GEMIN2: variants seen among roughly 807,000 people sequenced by gnomAD.
GEMIN2 encodes gem-associated protein 2.
GEMIN2 carries 37 observed loss-of-function variants against 45.8 expected under a neutral mutation model. That is an observed-to-expected ratio of 0.81 (90% CI 0.62 to 1.06). GEMIN2 has a LOEUF of 1.06. GEMIN2 is among the 50% of genes least tolerant of loss of function. The pLI is 0.00. For synonymous variants in GEMIN2, 101 were observed against 111.5 expected (o/e 0.91, Z 0.60); for missense variants, 335 against 321.8 (o/e 1.04, Z -0.31).
rs138274454 is a variant in GEMIN2, at chr14:39,129,397, G to A, written c.600+1049G>A. Reference sequence around the variant, plus strand: ...ATGACTGTACTTGATGTGATGCTACGGTATTTATTTATTTTTTATTTATTT... The same window carrying A: ...ATGACTGTACTTGATGTGATGCTACAGTATTTATTTATTTTTTATTTATTT... On this transcript the variant is annotated intron_variant, in intron 7 of 9. Coordinates refer to ENST00000308317, the MANE Select transcript of GEMIN2 (RefSeq NM_003616.3). Among the ~76,000 whole-genome samples, 940 of 151,940 alleles carry A rather than the reference G, an allele frequency of 6.2e-3. 9 individuals carry two copies. The highest frequency in any genetic ancestry group is 6.2e-3 in the Non-Finnish European group (421 of 67,936).
At chr14:39,125,354 A>G (rs890337391) in intron 6 of GEMIN2, among the ~76,000 whole-genome samples, 4 of 152,158 alleles carry the variant, frequency 2.6e-5, no homozygotes, top group African/African-American at 9.7e-5. Context: ...GTGCTAGAGT[A>G]TTCATTTCTG....
chr14:39,115,374 T>G (rs2052489403), intron 2 of GEMIN2, among the ~76,000 whole-genome samples: 1 of 152,104 alleles, frequency 6.6e-6, no homozygotes, highest in Non-Finnish European at 1.5e-5. Flanking sequence ...ATTGGATTGG[T>G]GTTTAATCTT....
At chr14:39,122,372 C>G in intron 4 of GEMIN2, 58 bp from the exon 5 acceptor site, 1 of 820,890 alleles carries the variant, frequency 1.2e-6, no homozygotes, top group Non-Finnish European at 2.0e-6. Context: ...TTTTTTTTTA[C>G]TGTTCAGTGT....
chr14:39,117,022 C>T (rs924303361), intron 2 of GEMIN2, among the ~76,000 whole-genome samples: 1 of 152,188 alleles, frequency 6.6e-6, no homozygotes, highest in Non-Finnish European at 1.5e-5. Flanking sequence ...CCTGTAATCC[C>T]AGCACTTTGG....
intron 5 of GEMIN2, among the ~76,000 whole-genome samples, chr14:39,123,200 C>G (rs150107857): frequency 1.2e-3 from 185 of 152,278 alleles, no homozygotes; most frequent in African/African-American, 4.3e-3. Flanking sequence ...CCAGTGCATG[C>G]CTCTGCATTA....
intron 4 of GEMIN2, among the ~76,000 whole-genome samples, chr14:39,118,873 C>G (rs1043694795): frequency 4.0e-5 from 6 of 150,596 alleles, no homozygotes; most frequent in African/African-American, 1.5e-4. Flanking sequence ...CTCCTGGGCT[C>G]AAGTGATCCT....
intron 2 of GEMIN2, among the ~76,000 whole-genome samples, chr14:39,115,226 G>A (rs1220592073): frequency 1.3e-5 from 2 of 152,144 alleles, no homozygotes; most frequent in Non-Finnish European, 2.9e-5. Flanking sequence ...TGTTTATAGA[G>A]AGGGAGTCTC....
At chr14:39,118,668 G>T in intron 4 of GEMIN2, 69 bp downstream of exon 4, 1 of 696,824 alleles carries the variant, frequency 1.4e-6, no homozygotes, top group Non-Finnish European at 2.6e-6. Context: ...TTTACTTCCA[G>T]TCGTTAAAGA....
At position 39,128,266 on chromosome 14, in the gene GEMIN2, C is replaced by CCTT. The variant is rs1555334122; in HGVS notation, c.532-14_532-13insCTT. 2 of 1,151,668 alleles carry CCTT rather than the reference C, an allele frequency of 1.7e-6. No homozygotes were observed. Among genetic ancestry groups the CCTT allele is most frequent in the Non-Finnish European group, 2.4e-6 (2 of 829,658 alleles). 71.3% of individuals were successfully genotyped at this position (1,151,668 alleles called of 1,614,324 possible). On this transcript the variant is annotated splice_polypyrimidine_tract_variant and intron_variant, in intron 6 of 9. Transcript: ENST00000308317. ...TTAATACAACTCTTCTCCACCCCCT[C>CCTT]TTTTTTTTTTTAGGCAACAGTAACT... is the stretch of plus-strand genomic sequence containing the variant.
intron 2 of GEMIN2, among the ~76,000 whole-genome samples, chr14:39,116,509 C>T (rs913294439): frequency 2.6e-5 from 4 of 151,568 alleles, no homozygotes; most frequent in Non-Finnish European, 4.4e-5. Flanking sequence ...CTCTGCCTCC[C>T]GGGTTCACAC....
intron 4 of GEMIN2, among the ~76,000 whole-genome samples, chr14:39,121,658 G>C (rs1004590977): frequency 6.6e-6 from 1 of 152,340 alleles, no homozygotes; most frequent in Non-Finnish European, 1.5e-5. Flanking sequence ...TATTTTCTCA[G>C]TCTTGAAGGC....
intron 2 of GEMIN2, among the ~76,000 whole-genome samples, chr14:39,117,461 A>G (rs78668928): frequency 0.014 from 2,207 of 152,304 alleles, 61 homozygotes; most frequent in African/African-American, 0.049. Context: ...ATACATGCAT[A>G]CAATGTATAA....
rs762220141 is a variant in GEMIN2 at position 39,128,263 on chromosome 14, CCT to C, written c.532-14_532-13del. On this transcript the variant is annotated splice_polypyrimidine_tract_variant and intron_variant, in intron 6 of 9. Transcript: ENST00000308317. ...TTATTAATACAACTCTTCTCCACCCCCTCTTTTTTTTTTTAGGCAACAGTAAC... is the reference window on the plus strand; with the variant it reads ...TTATTAATACAACTCTTCTCCACCCCCTTTTTTTTTTTAGGCAACAGTAAC... 43 of 1,411,182 alleles carry C rather than the reference CCT, an allele frequency of 3.0e-5. No individual in the cohort carries two copies. The highest frequency in any genetic ancestry group is 7.2e-5 in the South Asian group (6 of 82,860). 87.4% of individuals were successfully genotyped at this position (1,411,182 alleles called of 1,614,324 possible).
intron 8 of GEMIN2, 118 bp downstream of exon 8, chr14:39,132,186 G>C (rs1023022446): frequency 1.1e-5 from 7 of 664,896 alleles, no homozygotes; most frequent in Non-Finnish European, 1.9e-5. Context: ...AATTAGATTT[G>C]TAAAGCCCAA....
intron 8 of GEMIN2, 97 bp from the exon 9 acceptor site, chr14:39,133,564 A>G (rs1392609285): frequency 3.4e-6 from 2 of 592,370 alleles, no homozygotes; most frequent in Non-Finnish European, 5.6e-6. Flanking sequence ...GTCATATAAT[A>G]AAGTTTTCAT....
chr14:39,132,791 G>A (rs1372879936), intron 8 of GEMIN2, among the ~76,000 whole-genome samples: 1 of 146,392 alleles, frequency 6.8e-6, no homozygotes, highest in Non-Finnish European at 1.5e-5. Context: ...CAATTCTCCT[G>A]CCTTAGCCTC....
chr14:39,136,592 G>A lies in GEMIN2; in HGVS notation c.*113G>A, dbSNP rs752102448. On this transcript the variant is annotated 3_prime_UTR_variant, in exon 10 of 10. Coordinates refer to ENST00000308317, the MANE Select transcript of GEMIN2 (RefSeq NM_003616.3). ...AACACATCTTCAACACTATGTGAAG[G>A]GTTCACATCTTAACCTGTGCAATTC... 20 of 806,172 alleles carry A rather than the reference G, an allele frequency of 2.5e-5. No individual in the cohort carries two copies. Among genetic ancestry groups the A allele is most frequent in the Middle Eastern group, 2.3e-4 (1 of 4,420 alleles). 49.9% of individuals were successfully genotyped at this position (806,172 alleles called of 1,614,324 possible). A position where few individuals can be genotyped will look rare whatever the true frequency, so the allele number is the denominator to read the frequency against.
At chr14:39,118,177 A>C in intron 3 of GEMIN2, 89 bp downstream of exon 3, 1 of 585,682 alleles carries the variant, frequency 1.7e-6, no homozygotes, top group Non-Finnish European at 3.0e-6. Flanking sequence ...TATGATCCTA[A>C]AGTATACAGA....
Position 39,127,493 on chromosome 14 carries a change from C to T in GEMIN2, c.532-787C>T, listed in dbSNP as rs559064848. Among the ~76,000 whole-genome samples, 3 of 151,976 alleles carry T rather than the reference C, an allele frequency of 2.0e-5. No homozygotes were observed. The South Asian group carries it at 6.2e-4, about 32-fold the overall frequency. The stretch of plus-strand genomic sequence containing the variant: ...TAGTAGCTGGGACTGCATTCACTCA[C>T]CACCATGCCCGGCTAATTTTTGTAT... On this transcript the variant is annotated intron_variant, in intron 6 of 9. Transcript: ENST00000308317.
Sources: allele counts gnomAD v4.1 joint callset (sites outside exome capture counted in the v4.1 genomes callset), GRCh38; gene constraint gnomAD v4.1.1; transcripts MANE v1.5; gene names NCBI Gene and HGNC (gene_info 2026-07-23, HGNC 2026-07-21).